Variants in MEX3B observed in about 807,000 individuals in gnomAD.
MEX3B encodes the protein RNA-binding protein MEX3B.
In MEX3B, 10 loss-of-function variants were observed where a neutral mutation model predicts 12.2. That is an observed-to-expected ratio of 0.82 (90% confidence interval 0.51 to 1.40). The LOEUF (loss-of-function observed/expected upper bound fraction) is 1.40, where lower values mean the gene tolerates loss of function less well. Ranked by LOEUF, MEX3B falls within the 40% of genes most tolerant of loss-of-function variation. The pLI is 0.00. For missense variants in MEX3B, 839 were observed against 801.4 expected (o/e 1.05, Z -0.57); for synonymous variants, 498 against 356.3 (o/e 1.40, Z -4.48).
At chr15:82,045,377 C>G (rs751906977) in intron 1 of MEX3B, 73 bp downstream of exon 1, 1 of 1,513,760 alleles carries the variant, frequency 6.6e-7, no homozygotes, top group South Asian at 1.2e-5. Context: ...ATACTGAACA[C>G]GCCTTCCCCT....
Position 82,043,593 on chromosome 15 carries a change from A to G in MEX3B, c.1277T>C (p.Leu426Pro). The G allele has an allele frequency of 1.3e-6, 2 of 1,583,002 alleles. No homozygotes were observed. Among genetic ancestry groups the G allele is most frequent in the Non-Finnish European group, 1.7e-6 (2 of 1,166,134 alleles). ...ASAPSNANLG[L>P]LVHRRLHPGT... ...AGGGTGCAGCCGGCGGTGCACCAAT[A>G]GCCCCAGGTTGGCGTTGGAGGGCGC... Residue 426 changes from leucine (L) to proline (P), a missense_variant, in exon 2 of 2, where the codon CTA becomes CCA. Physicochemically the swap from Leu to Pro is moderately conservative, Grantham distance 98 (BLOSUM62 -3). Coordinates refer to ENST00000329713, the MANE Select transcript of MEX3B (RefSeq NM_032246.6).
In MEX3B at chr15:82,044,546, C is replaced by T. The variant is rs941345409; in HGVS notation, c.324G>A (p.Glu108=). 1 of 1,614,222 alleles carries T rather than the reference C, an allele frequency of 6.2e-7. No homozygotes were observed. The highest frequency in any genetic ancestry group is 8.5e-7 in the Non-Finnish European group (1 of 1,180,042). ...TYIKTPVRGE[E]PVFVVTGRKE... ...TCCTGCCCGTCACAACAAAGACAGG[C>T]TCCTCCCCGCGAACTGGGGTCTTGA... Residue 108 remains glutamate, a synonymous_variant, in exon 2 of 2, where the codon GAG becomes GAA. Coordinates refer to ENST00000329713, the MANE Select transcript of MEX3B (RefSeq NM_032246.6). This position sits in a 1 kb window ranked among gnomAD's most constrained non-coding sequence, Gnocchi z 5.3.
rs56105962 is a variant in MEX3B at position 82,043,591 on chromosome 15, A to G, written c.1279T>C (p.Leu427=). 15,702 of 1,581,848 alleles carry G rather than the reference A, an allele frequency of 9.9e-3. 97 individuals are homozygous for G. Among genetic ancestry groups the G allele is most frequent in the Non-Finnish European group, 0.011 (12,988 of 1,165,596 alleles). Residue 427 remains leucine (L), a synonymous_variant, in exon 2 of 2, where the codon TTG becomes CTG. Coordinates refer to ENST00000329713, the MANE Select transcript of MEX3B (RefSeq NM_032246.6). Reference sequence around the variant, plus strand: ...CCAGGGTGCAGCCGGCGGTGCACCAATAGCCCCAGGTTGGCGTTGGAGGGC... The same window carrying G: ...CCAGGGTGCAGCCGGCGGTGCACCAGTAGCCCCAGGTTGGCGTTGGAGGGC... ...SAPSNANLGL[L]VHRRLHPGTS... is the part of the protein sequence containing the mutation.
chr15:82,043,768 C>T lies in MEX3B; in HGVS notation c.1102G>A (p.Ala368Thr). ...ATAAGTGGTGCCCCAGGTGGGGGAG[C>T]GGGAGCCGGGTCAAAAGTGGGCTGC... ...ELQPTFDPAPAPPPGAPLIWA... is the reference protein window; with the variant it reads ...ELQPTFDPAPTPPPGAPLIWA... The change falls in exon 2 of 2, where the codon GCT (alanine) becomes ACT (threonine). Residue 368 changes from alanine to threonine, a missense_variant. Coordinates refer to ENST00000329713, the MANE Select transcript of MEX3B (RefSeq NM_032246.6). The T allele has an allele frequency of 6.4e-7, 1 of 1,567,570 alleles. No homozygotes were observed. The highest frequency in any genetic ancestry group is 8.6e-7 in the Non-Finnish European group (1 of 1,158,950).
chr15:82,043,759 G>C lies in MEX3B; in HGVS notation c.1111C>G (p.Pro371Ala), dbSNP rs1286810224. 1.3e-6 allele frequency: 2 copies of C among 1,570,412 alleles called. No homozygotes were observed. The highest frequency in any genetic ancestry group is 1.7e-6 in the Non-Finnish European group (2 of 1,159,744). Reference sequence around the variant, plus strand: ...TGGGCCCAGATAAGTGGTGCCCCAGGTGGGGGAGCGGGAGCCGGGTCAAAA... The same window carrying C: ...TGGGCCCAGATAAGTGGTGCCCCAGCTGGGGGAGCGGGAGCCGGGTCAAAA... ...PTFDPAPAPP[P>A]GAPLIWAQFE... The change falls in exon 2 of 2, where the codon CCT (proline) becomes GCT (alanine). Residue 371 changes from proline to alanine, a missense_variant. By Grantham distance (27) the Pro-to-Ala change is conservative. This residue lies in a region of MEX3B where 573 missense variants were observed against 488.9 expected (regional missense o/e 1.17). Coordinates refer to ENST00000329713, the MANE Select transcript of MEX3B (RefSeq NM_032246.6).
chr15:82,045,245 C>A, intron 1 of MEX3B: 1 of 694,276 alleles, frequency 1.4e-6, no homozygotes, highest in Non-Finnish European at 2.6e-6. Context: ...GAAGAAAGTG[C>A]ATCCCGCCAG....
chr15:82,043,585 G>A lies in MEX3B; in HGVS notation c.1285C>T (p.His429Tyr), dbSNP rs377464451. ...PSNANLGLLV[H>Y]RRLHPGTSCP... ...CTGGTGCCAGGGTGCAGCCGGCGGT[G>A]CACCAATAGCCCCAGGTTGGCGTTG... is the stretch of plus-strand genomic sequence containing the variant. Residue 429 changes from histidine (H) to tyrosine (Y), a missense_variant, in exon 2 of 2, where the codon CAC becomes TAC. His to Tyr is a moderately conservative substitution (Grantham distance 83, BLOSUM62 2). Coordinates refer to ENST00000329713, the MANE Select transcript of MEX3B (RefSeq NM_032246.6). 2.5e-6 allele frequency: 4 copies of A among 1,575,432 alleles called. No homozygotes were observed. Among genetic ancestry groups the A allele is most frequent in the Admixed American group, 3.8e-5 (2 of 52,782 alleles).
chr15:82,045,608 G>A lies in MEX3B; in HGVS notation c.98C>T (p.Ala33Val). 6.2e-7 allele frequency: 1 copy of A among 1,606,522 alleles called. No individual in the cohort carries two copies. Among genetic ancestry groups the A allele is most frequent in the Non-Finnish European group, 8.5e-7 (1 of 1,178,620 alleles). Reference protein sequence around the residue: ...GGGETLDDQRALQLALDQLSL... With the variant: ...GGGETLDDQRVLQLALDQLSL... ...GAGCTGGTCGAGCGCGAGCTGCAGGGCTCTTTGGTCATCCAGGGTCTCTCC... is the reference window on the plus strand; with the variant it reads ...GAGCTGGTCGAGCGCGAGCTGCAGGACTCTTTGGTCATCCAGGGTCTCTCC... The change falls in exon 1 of 2, where the codon GCC becomes GTC. Residue 33 changes from alanine (A) to valine (V), a missense_variant. By Grantham distance (64) the Ala-to-Val change is moderately conservative. Around this residue, in one of 3 missense-constraint regions of MEX3B, gnomAD observed 214 missense variants for 223.8 expected, o/e 0.96. Coordinates refer to ENST00000329713, the MANE Select transcript of MEX3B (RefSeq NM_032246.6).
In MEX3B at chr15:82,042,263, A is replaced by T. The variant is rs925119841; in HGVS notation, c.*897T>A. The T allele has an allele frequency of 2.6e-5, 4 of 152,522 alleles. No homozygotes were observed. The highest frequency in any genetic ancestry group is 9.7e-5 in the African/African-American group (4 of 41,440). 9.4% of individuals were successfully genotyped at this position (152,522 alleles called of 1,614,324 possible). A position where few individuals can be genotyped will look rare whatever the true frequency, so the allele number is the denominator to read the frequency against. ...ATATGCTGGGTGAAGCAGATCTAGAAGATTTGTCTGAACCTATAAAATCTC... is the reference window on the plus strand; with the variant it reads ...ATATGCTGGGTGAAGCAGATCTAGATGATTTGTCTGAACCTATAAAATCTC... On this transcript the variant is annotated 3_prime_UTR_variant, in exon 2 of 2. Coordinates refer to ENST00000329713, the MANE Select transcript of MEX3B (RefSeq NM_032246.6).
At position 82,043,742 on chromosome 15, in the gene MEX3B, G is replaced by T; in HGVS notation, c.1128C>A (p.Ile376=). ...CCGGGGACCGCTCGAACTGGGCCCA[G>T]ATAAGTGGTGCCCCAGGTGGGGGAG... ...APAPPPGAPL[I]WAQFERSPGG... The change falls in exon 2 of 2, where the codon ATC becomes ATA. Residue 376 remains isoleucine (I), a synonymous_variant. Coordinates refer to ENST00000329713, the MANE Select transcript of MEX3B (RefSeq NM_032246.6). The T allele has an allele frequency of 1.9e-6, 3 of 1,571,330 alleles. No individual in the cohort carries two copies. The highest frequency in any genetic ancestry group is 2.6e-6 in the Non-Finnish European group (3 of 1,160,360).
chr15:82,045,275 G>T (rs769746398), intron 1 of MEX3B, 175 bp downstream of exon 1: 3 of 806,398 alleles, frequency 3.7e-6, no homozygotes, highest in Non-Finnish European at 4.1e-6. Context: ...GCGGCTCCGG[G>T]AGACAGCCTG....
At chr15:82,045,190 T>A (rs1281345292) in intron 1 of MEX3B, 2 of 620,900 alleles carry the variant, frequency 3.2e-6, no homozygotes, top group Admixed American at 5.3e-5. Context: ...TTTCTGGAGG[T>A]GGGCTGGTTG....
chr15:82,045,355 C>T (rs2073250444), intron 1 of MEX3B, 95 bp downstream of exon 1: 3 of 1,443,218 alleles, frequency 2.1e-6, no homozygotes, highest in Admixed American at 3.9e-5. Flanking sequence ...GCACCCCACG[C>T]CGCGGATCCC....
In MEX3B at chr15:82,044,626, G is replaced by A. The variant is rs747473973; in HGVS notation, c.257-13C>T. 13 of 1,613,836 alleles carry A rather than the reference G, an allele frequency of 8.1e-6. No homozygotes were observed. The highest frequency in any genetic ancestry group is 1.1e-5 in the Non-Finnish European group (13 of 1,179,958). On this transcript the variant is annotated splice_polypyrimidine_tract_variant and intron_variant, in intron 1 of 1. Coordinates refer to ENST00000329713, the MANE Select transcript of MEX3B (RefSeq NM_032246.6). This position sits in a 1 kb window ranked among gnomAD's most constrained non-coding sequence, Gnocchi z 5.3. ...TTGATTTTACAACCTACGAACCAGGGTGCGGAGGAGGGAGTGGGAGAGAGA... is the reference window on the plus strand; with the variant it reads ...TTGATTTTACAACCTACGAACCAGGATGCGGAGGAGGGAGTGGGAGAGAGA...
rs780538622 is a variant in MEX3B, at chr15:82,044,718, G to A, written c.257-105C>T. On this transcript the variant is annotated intron_variant, in intron 1 of 1. Transcript: ENST00000329713. The surrounding 1 kb of genome is among the most constrained non-coding windows in gnomAD (Gnocchi z 5.3). ...GGACAGCCCGCGTCCAGGACAGCGA[G>A]ACGGCAGGACAAGAGATGGGCGGAA... 4 of 1,108,652 alleles carry A rather than the reference G, an allele frequency of 3.6e-6. No individual in the cohort carries two copies. The highest frequency in any genetic ancestry group is 1.5e-5 in the African/African-American group (1 of 65,614). The allele number at this position is 1,108,652 out of a possible 1,614,324, so 68.7% of individuals were successfully genotyped here. A position where few individuals can be genotyped will look rare whatever the true frequency, so the allele number is the denominator to read the frequency against.
In MEX3B at chr15:82,042,893, G is replaced by A; in HGVS notation, c.*267C>T. Reference sequence around the variant, plus strand: ...TGTCGCCGTTCCTATTATTTATAGAGCATGCATTTCAGGTGTTCAGGTTTC... The same window carrying A: ...TGTCGCCGTTCCTATTATTTATAGAACATGCATTTCAGGTGTTCAGGTTTC... On this transcript the variant is annotated 3_prime_UTR_variant, in exon 2 of 2. Transcript: ENST00000329713. 2 of 336,686 alleles carry A rather than the reference G, an allele frequency of 5.9e-6. No homozygotes were observed. The highest frequency in any genetic ancestry group is 5.3e-6 in the Non-Finnish European group (1 of 187,080). The allele number at this position is 336,686 out of a possible 1,614,324, so 20.9% of individuals were successfully genotyped here. A position where few individuals can be genotyped will look rare whatever the true frequency, so the allele number is the denominator to read the frequency against.
In MEX3B at chr15:82,043,672, CAGA is replaced by C. The variant is rs781555374; in HGVS notation, c.1195_1197del (p.Ser399del). On this transcript the variant is annotated inframe_deletion, in exon 2 of 2. Transcript: ENST00000329713. ...GAGGAGGAAGAAGCAGACGAAGATG[CAGA>C]AGAAGAGCAGGAAGAAGATACCGGA... 4.9e-4 allele frequency: 794 copies of C among 1,610,244 alleles called. No homozygotes were observed. Among genetic ancestry groups the C allele is most frequent in the Non-Finnish European group, 6.1e-4 (723 of 1,178,314 alleles).
chr15:82,045,539 T>C lies in MEX3B; in HGVS notation c.167A>G (p.Asp56Gly), dbSNP rs2073252097. 1 of 1,612,326 alleles carries C rather than the reference T, an allele frequency of 6.2e-7. No homozygotes were observed. Among genetic ancestry groups the C allele is most frequent in the Non-Finnish European group, 8.5e-7 (1 of 1,179,858 alleles). Residue 56 changes from aspartate (D) to glycine (G), a missense_variant, in exon 1 of 2, where the codon GAC becomes GGC. By Grantham distance (94) the Asp-to-Gly change is moderately conservative. This residue lies in a region of MEX3B where 214 missense variants were observed against 223.8 expected (regional missense o/e 0.96). Transcript: ENST00000329713. ...LDSDEGASLY[D>G]SEPRKKSVNM... The stretch of plus-strand genomic sequence containing the variant: ...CACGCTCTTCTTGCGCGGCTCGCTG[T>C]CGTACAGAGAGGCGCCCTCGTCACT...
At chr15:82,045,359 G>T (rs770814115) in intron 1 of MEX3B, 91 bp downstream of exon 1, 1 of 1,456,842 alleles carries the variant, frequency 6.9e-7, no homozygotes, top group Non-Finnish European at 9.3e-7. Context: ...CCCACGCCGC[G>T]GATCCCGATA....
Sources: allele counts gnomAD v4.1 joint callset, GRCh38; gene constraint gnomAD v4.1.1; regional missense constraint gnomAD v4.1.1; non-coding constraint Gnocchi (gnomAD v3.1); transcripts MANE v1.5; gene names NCBI Gene and HGNC (gene_info 2026-07-23, HGNC 2026-07-21).